Variants in EPHA6 observed in about 807,000 individuals in gnomAD.
The protein encoded by EPHA6 is EPH receptor A6, also known as ephrin type-A receptor 6.
A neutral mutation model predicts 112.0 loss-of-function variants in EPHA6; 50 were observed. The observed-to-expected ratio is 0.45, with a 90% CI of 0.36 to 0.56. The LOEUF is 0.56. EPHA6 is among the 20% of genes least tolerant of loss of function. The pLI is 0.00. For synonymous variants in EPHA6, 529 were observed against 490.7 expected, an observed-to-expected ratio of 1.08 and a Z score of -1.03; for missense variants, 1,280 against 1,417.4, an observed-to-expected ratio of 0.90 and a Z score of 1.56.
Position 96,846,755 on chromosome 3 carries a change from G to A in EPHA6, c.386-20070G>A, listed in dbSNP as rs1213531242. 2.0e-5 allele frequency among the ~76,000 whole-genome samples: 3 copies of A among 151,950 alleles called. No homozygotes were observed. In the East Asian group the frequency reaches 5.8e-4, roughly 29 times the overall value. On this transcript the variant is annotated intron_variant, in intron 1 of 17. Coordinates refer to ENST00000389672, the MANE Select transcript of EPHA6 (RefSeq NM_001080448.3). ...ATTTACTATTTGCCGGAAACCCATG[G>A]TTTCCTATGAAAGAAACTATGGAGT...
In EPHA6 at chr3:97,327,219, T is replaced by C. The variant is rs1191169472; in HGVS notation, c.1607-77931T>C. On this transcript the variant is annotated intron_variant, in intron 5 of 17. Coordinates refer to ENST00000389672, the MANE Select transcript of EPHA6 (RefSeq NM_001080448.3). Reference sequence around the variant, plus strand: ...CTTTATAATGCAAGCAACCATCTCTTATATATTTACTAATCTATGCCATAT... The same window carrying C: ...CTTTATAATGCAAGCAACCATCTCTCATATATTTACTAATCTATGCCATAT... Among the ~76,000 whole-genome samples, 5 of 152,208 alleles carry C rather than the reference T, an allele frequency of 3.3e-5. No homozygotes were observed. In the South Asian group the frequency reaches 1.0e-3, roughly 32 times the overall value.
In EPHA6 at chr3:96,987,468, G is replaced by A; in HGVS notation, c.589G>A (p.Glu197Lys). The A allele has an allele frequency of 6.2e-7, 1 of 1,613,926 alleles. No homozygotes were observed. The highest frequency in any genetic ancestry group is 8.5e-7 in the Non-Finnish European group (1 of 1,179,880). ...SRDAAQKIYV[E>K]MKFTLRDCNS... ...TGATGCAGCTCAGAAAATTTATGTG[G>A]AAATGAAATTCACACTAAGGGATTG... The change falls in exon 3 of 18, where the codon GAA becomes AAA. Residue 197 changes from glutamate to lysine, a missense_variant. Transcript: ENST00000389672.
At chr3:96,916,262 G>A (rs968592183) in intron 2 of EPHA6, among the ~76,000 whole-genome samples, 2 of 152,222 alleles carry the variant, frequency 1.3e-5, no homozygotes, top group Middle Eastern at 3.4e-3. Flanking sequence ...AGTGATCAAC[G>A]TTGTAAATAC....
At chr3:97,613,407 GA>G (rs1456989821) in intron 13 of EPHA6, among the ~76,000 whole-genome samples, 5 of 152,256 alleles carry the variant, frequency 3.3e-5, no homozygotes, top group Middle Eastern at 3.4e-3. Flanking sequence ...ACTGGAAGCA[GA>G]AATGATTTCC....
chr3:97,124,469 AAAAGAAAGAAAGAAAGAAAG>A, intron 3 of EPHA6, among the ~76,000 whole-genome samples: 1 of 149,856 alleles, frequency 6.7e-6, no homozygotes, highest in South Asian at 2.1e-4. Context: ...TCTGTTTAAA[AAAAGAAAGAAAGAAAGAAAG>A]AAAGAAAGAA....
chr3:96,935,959 G>A (rs1196971769), intron 2 of EPHA6, among the ~76,000 whole-genome samples: 1 of 151,846 alleles, frequency 6.6e-6, no homozygotes, highest in African/African-American at 2.4e-5. Context: ...TGCTAAAACA[G>A]TATGGAACAA....
chr3:97,079,900 G>A (rs1398436708), intron 3 of EPHA6, among the ~76,000 whole-genome samples: 1 of 137,574 alleles, frequency 7.3e-6, no homozygotes, highest in African/African-American at 2.6e-5. Context: ...TGATTGTTAG[G>A]TTTTTTTTTT....
At chr3:96,896,791 A>G (rs2038294367) in intron 2 of EPHA6, among the ~76,000 whole-genome samples, 1 of 152,144 alleles carries the variant, frequency 6.6e-6, no homozygotes, top group Non-Finnish European at 1.5e-5. Flanking sequence ...TCACTTACCT[A>G]TTGGTTAGAG....
At chr3:97,156,733 T>C (rs2108388883) in intron 3 of EPHA6, among the ~76,000 whole-genome samples, 1 of 152,262 alleles carries the variant, frequency 6.6e-6, no homozygotes, top group South Asian at 2.1e-4. Flanking sequence ...TTTAAGAACA[T>C]TGCTTGTTTT....
intron 2 of EPHA6, among the ~76,000 whole-genome samples, chr3:96,931,845 T>G (rs1271610324): frequency 6.6e-6 from 1 of 152,146 alleles, no homozygotes; most frequent in Admixed American, 6.5e-5. Flanking sequence ...CCTAGGGATA[T>G]GCATGGACCT....
intron 5 of EPHA6, among the ~76,000 whole-genome samples, chr3:97,363,712 G>A (rs2084537763): frequency 1.3e-5 from 2 of 151,858 alleles, no homozygotes; most frequent in South Asian, 4.2e-4. Context: ...ACCAGTGTTT[G>A]TAACACCAAT....
rs145763658 is a variant in EPHA6 at position 97,250,198 on chromosome 3, C to A, written c.1606+5911C>A. 4.7e-3 allele frequency among the ~76,000 whole-genome samples: 715 copies of A among 152,284 alleles called. 5 individuals carry two copies. Among genetic ancestry groups the A allele is most frequent in the African/African-American group, 0.015 (629 of 41,582 alleles). On this transcript the variant is annotated intron_variant, in intron 5 of 17. Coordinates refer to ENST00000389672, the MANE Select transcript of EPHA6 (RefSeq NM_001080448.3). ...AGAAAGTATTAATGGCATATTTATT[C>A]TTTAGCATATACTAAATTTCATGTT...
At chr3:97,074,218 C>A (rs1378886975) in intron 3 of EPHA6, among the ~76,000 whole-genome samples, 1 of 151,934 alleles carries the variant, frequency 6.6e-6, no homozygotes, top group Admixed American at 6.6e-5. Flanking sequence ...AATAGAAAAT[C>A]AACATACTTG....
At chr3:97,368,219 A>G (rs1297809191) in intron 5 of EPHA6, among the ~76,000 whole-genome samples, 1 of 152,144 alleles carries the variant, frequency 6.6e-6, no homozygotes, top group East Asian at 1.9e-4. Context: ...TTTAATTTCT[A>G]TGGTCTTAGT....
At chr3:97,067,550 A>G (rs1462809048) in intron 3 of EPHA6, among the ~76,000 whole-genome samples, 1 of 151,808 alleles carries the variant, frequency 6.6e-6, no homozygotes, top group East Asian at 1.9e-4. Context: ...ATATATATAT[A>G]TATATACCAA....
intron 2 of EPHA6, among the ~76,000 whole-genome samples, chr3:96,971,838 T>C (rs148642878): frequency 2.1e-3 from 324 of 152,278 alleles, no homozygotes; most frequent in African/African-American, 7.4e-3. Context: ...GCATTCTTAA[T>C]CTTAGAATGA....
At chr3:97,498,032 A>C (rs2092024799) in intron 10 of EPHA6, among the ~76,000 whole-genome samples, 1 of 152,096 alleles carries the variant, frequency 6.6e-6, no homozygotes, top group South Asian at 2.1e-4. Flanking sequence ...ACAAACAAAA[A>C]AACACAGGAA....
At chr3:97,668,165 C>T (rs1056079780) in intron 14 of EPHA6, among the ~76,000 whole-genome samples, 1 of 152,158 alleles carries the variant, frequency 6.6e-6, no homozygotes, top group African/African-American at 2.4e-5. Context: ...ACCAACTGCC[C>T]TCATAATCTT....
chr3:97,420,418 A>T (rs1382065869), intron 6 of EPHA6, among the ~76,000 whole-genome samples: 1 of 152,136 alleles, frequency 6.6e-6, no homozygotes, highest in Non-Finnish European at 1.5e-5. Context: ...CCAAGATCAA[A>T]TTTATGTAAA....
Sources: allele counts gnomAD v4.1 joint callset (sites outside exome capture counted in the v4.1 genomes callset), GRCh38; gene constraint gnomAD v4.1.1; transcripts MANE v1.5; gene names NCBI Gene and HGNC (gene_info 2026-07-23, HGNC 2026-07-21).